CHD7: variants seen among roughly 807,000 people sequenced by gnomAD.
CHD7 encodes the protein ATP-dependent chromatin remodeler CHD7.
In CHD7, 24 loss-of-function variants were observed where a neutral mutation model predicts 307.3. That is an observed-to-expected ratio of 0.08 (90% CI 0.06 to 0.11). The LOEUF is 0.11. Among genes scored for constraint, CHD7 ranks in the 10% least tolerant of loss-of-function variants. CHD7 has a pLI of 1.00. For synonymous variants in CHD7, 1,363 were observed against 1,349.9 expected, an observed-to-expected ratio of 1.01 and a Z score of -0.21; for missense variants, 3,106 against 3,727.1, an observed-to-expected ratio of 0.83 and a Z score of 4.34.
At chr8:60,685,448 G>C (rs2128713) in intron 1 of CHD7, among the ~76,000 whole-genome samples, 124,882 of 152,148 alleles carry the variant, frequency 0.82, 51,565 homozygotes, top group East Asian at 0.94. Flanking sequence ...TCTTCTGTAT[G>C]TCCCCTTACG....
chr8:60,814,175 T>A (rs1436840301), intron 7 of CHD7, among the ~76,000 whole-genome samples: 3 of 152,222 alleles, frequency 2.0e-5, no homozygotes, highest in Non-Finnish European at 4.4e-5. Context: ...TCTTCCTTCC[T>A]CTTCTTCCTA....
At chr8:60,710,459 T>C (rs951006890) in intron 1 of CHD7, among the ~76,000 whole-genome samples, 2 of 152,184 alleles carry the variant, frequency 1.3e-5, no homozygotes, top group African/African-American at 2.4e-5. Context: ...CACTGTACCA[T>C]CTGTATCAAA....
intron 3 of CHD7, among the ~76,000 whole-genome samples, chr8:60,787,113 T>A (rs2150681584): frequency 6.6e-6 from 1 of 152,306 alleles, no homozygotes. Context: ...CCCTGACTTC[T>A]GTAGGAATAA....
At chr8:60,720,170 C>T (rs1021167596) in intron 1 of CHD7, among the ~76,000 whole-genome samples, 1 of 152,148 alleles carries the variant, frequency 6.6e-6, no homozygotes, top group African/African-American at 2.4e-5. Context: ...TGTCCTGTTC[C>T]ATATAACTTC....
chr8:60,801,432 G>T (rs951604017), intron 5 of CHD7, 96 bp from the exon 6 acceptor site: 1 of 849,066 alleles, frequency 1.2e-6, no homozygotes, highest in African/African-American at 1.7e-5. Flanking sequence ...GACTTAAAAG[G>T]TGTGGAGGTG....
chr8:60,758,277 C>T (rs1809993631), intron 2 of CHD7, among the ~76,000 whole-genome samples: 5 of 151,934 alleles, frequency 3.3e-5, no homozygotes, highest in Admixed American at 3.3e-4. Flanking sequence ...ATGAGACTAC[C>T]CACCTGGCTA....
chr8:60,822,575 A>G lies in CHD7; in HGVS notation c.3030A>G (p.Ile1010Met), dbSNP rs1206578296. The part of the protein sequence containing the change: ...TIQSITFLYE[I>M]YLKGIHGPFL... ...AGTCCATTACATTTCTCTATGAGATATATTTGAAAGGAATCCATGGCCCTT... is the reference window on the plus strand; with the variant it reads ...AGTCCATTACATTTCTCTATGAGATGTATTTGAAAGGAATCCATGGCCCTT... Residue 1010 changes from isoleucine (I) to methionine (M), a missense_variant, in exon 12 of 38, where the codon ATA becomes ATG. By Grantham distance (10) the Ile-to-Met change is conservative (BLOSUM62 1). Transcript: ENST00000423902. 2 of 1,613,758 alleles carry G rather than the reference A, an allele frequency of 1.2e-6. No individual in the cohort carries two copies. The highest frequency in any genetic ancestry group is 1.7e-5 in the Admixed American group (1 of 60,024).
At chr8:60,744,495 T>A (rs1809221555) in intron 2 of CHD7, among the ~76,000 whole-genome samples, 1 of 150,366 alleles carries the variant, frequency 6.7e-6, no homozygotes, top group East Asian at 1.9e-4. Context: ...TTTTTTTTTT[T>A]TTTTTTTTTA....
chr8:60,684,261 T>C (rs1231642174), intron 1 of CHD7, among the ~76,000 whole-genome samples: 2 of 152,212 alleles, frequency 1.3e-5, no homozygotes, highest in African/African-American at 4.8e-5. Context: ...AGTGACCCTT[T>C]GAGCCTTGCT....
At chr8:60,789,539 C>T (rs1811667196) in intron 3 of CHD7, among the ~76,000 whole-genome samples, 1 of 152,176 alleles carries the variant, frequency 6.6e-6, no homozygotes, top group South Asian at 2.1e-4. Context: ...ATTAGCTGAC[C>T]ATATTCCCAT....
chr8:60,814,863 T>C (rs1326305964), intron 7 of CHD7, among the ~76,000 whole-genome samples: 2 of 152,236 alleles, frequency 1.3e-5, no homozygotes, highest in Non-Finnish European at 2.9e-5. Context: ...CAGAAGTGTT[T>C]TGGATTTTGG....
intron 1 of CHD7, among the ~76,000 whole-genome samples, chr8:60,715,573 C>T (rs1051611268): frequency 3.9e-5 from 6 of 152,080 alleles, no homozygotes; most frequent in African/African-American, 1.2e-4. Flanking sequence ...CCTGCCTTGG[C>T]CTCCTAAAAT....
chr8:60,680,089 A>T (rs1221659977), intron 1 of CHD7, among the ~76,000 whole-genome samples: 1 of 151,036 alleles, frequency 6.6e-6, no homozygotes. Context: ...CTTCCAACGC[A>T]ACTCGGCTCC....
At chr8:60,743,384 A>G (rs1809157087) in intron 2 of CHD7, among the ~76,000 whole-genome samples, 1 of 152,228 alleles carries the variant, frequency 6.6e-6, no homozygotes, top group African/African-American at 2.4e-5. Flanking sequence ...AATGCTCACA[A>G]GACAAACGCT....
chr8:60,686,030 G>T (rs1805871871), intron 1 of CHD7, among the ~76,000 whole-genome samples: 1 of 152,094 alleles, frequency 6.6e-6, no homozygotes, highest in Non-Finnish European at 1.5e-5. Flanking sequence ...TTAATTAGGG[G>T]TCTGTTTCAA....
At position 60,865,894 on chromosome 8, in the gene CHD7, T is replaced by TG. The variant is rs771806027; in HGVS notation, c.8962dup (p.Asp2988GlyfsTer2). ...AGGGTGAAGAGCTAGACTCACTTGA[T>TG]GGGGGGGATGAAATAGAAAACAATG... On this transcript the variant is annotated frameshift_variant, in exon 38 of 38. Coordinates refer to ENST00000423902, the MANE Select transcript of CHD7 (RefSeq NM_017780.4). LOFTEE classifies it high-confidence loss of function. The surrounding 1 kb of genome is among the most constrained non-coding windows in gnomAD (Gnocchi z 4.3). 7.5e-6 allele frequency: 12 copies of TG among 1,609,236 alleles called. No homozygotes were observed. The highest frequency in any genetic ancestry group is 1.7e-5 in the Admixed American group (1 of 59,190).
intron 2 of CHD7, among the ~76,000 whole-genome samples, chr8:60,775,299 C>G (rs1391349382): frequency 6.6e-6 from 1 of 152,152 alleles, no homozygotes; most frequent in African/African-American, 2.4e-5. Flanking sequence ...TTGTAATTAT[C>G]TTGACATATA....
At chr8:60,821,390 T>A (rs1804024568) in intron 9 of CHD7, among the ~76,000 whole-genome samples, 1 of 152,154 alleles carries the variant, frequency 6.6e-6, no homozygotes, top group Non-Finnish European at 1.5e-5. Context: ...CAGTTTAGAC[T>A]TGAGACTCTT....
rs1811968339 is a variant in CHD7 at position 60,795,275 on chromosome 8, A to G, written c.2238+148A>G. 9 of 762,120 alleles carry G rather than the reference A, an allele frequency of 1.2e-5. No individual in the cohort carries two copies. In the South Asian group the frequency reaches 1.7e-4, roughly 15 times the overall value. 47.2% of individuals were successfully genotyped at this position (762,120 alleles called of 1,614,324 possible). ...AGTCTGGAACATTATCTCCATAGCG[A>G]TGTAGGGAGGGGGAGCGGGCGTGGA... On this transcript the variant is annotated intron_variant, in intron 4 of 37. Transcript: ENST00000423902.
Sources: allele counts gnomAD v4.1 joint callset (sites outside exome capture counted in the v4.1 genomes callset), GRCh38; gene constraint gnomAD v4.1.1; non-coding constraint Gnocchi (gnomAD v3.1); transcripts MANE v1.5; gene names NCBI Gene and HGNC (gene_info 2026-07-23, HGNC 2026-07-21).